NUP133: variants seen among roughly 807,000 people sequenced by gnomAD.
NUP133 encodes the protein nuclear pore complex protein Nup133.
NUP133 carries 66 observed loss-of-function variants against 146.2 expected under a neutral mutation model. The ratio of observed to expected loss-of-function variants is 0.45; its 90% CI spans 0.37 to 0.55. NUP133 has a LOEUF of 0.55. Ranked by LOEUF, NUP133 falls within the 20% of genes least tolerant of loss-of-function variation. The pLI is 0.00. For synonymous variants in NUP133, 521 were observed against 498.8 expected, an observed-to-expected ratio of 1.04 and a Z score of -0.59; for missense variants, 1,277 against 1,374.8, an observed-to-expected ratio of 0.93 and a Z score of 1.12.
Position 229,508,112 on chromosome 1 carries a change from T to A in NUP133, c.138A>T (p.Pro46=), listed in dbSNP as rs778433431. Residue 46 remains proline (P), a synonymous_variant, in exon 1 of 26, where the codon CCA becomes CCT. Transcript: ENST00000261396. ...GLPLGSAVSS[P]VLFSPVGRRS... is the part of the protein sequence containing the mutation. ...GCCGGCCGACCGGCGAGAAGAGCAC[T>A]GGGGAGCTGACTGCAGACCCCAGGG... 3.6e-5 allele frequency: 57 copies of A among 1,563,998 alleles called. No homozygotes were observed. The highest frequency in any genetic ancestry group is 3.1e-5 in the Non-Finnish European group (36 of 1,156,176).
chr1:229,442,669 TG>T (rs1385357090), intron 25 of NUP133, among the ~76,000 whole-genome samples: 3 of 150,582 alleles, frequency 2.0e-5, no homozygotes. Context: ...AATCAGATAC[TG>T]GTTTAAAAAA....
chr1:229,479,520 G>T (rs958581580), intron 12 of NUP133, among the ~76,000 whole-genome samples: 2 of 152,110 alleles, frequency 1.3e-5, no homozygotes, highest in African/African-American at 2.4e-5. Flanking sequence ...TCCACTGGGG[G>T]TCTTAAGACA....
At chr1:229,477,256 A>C (rs1290815762) in intron 13 of NUP133, among the ~76,000 whole-genome samples, 1 of 151,968 alleles carries the variant, frequency 6.6e-6, no homozygotes, top group East Asian at 1.9e-4. Flanking sequence ...TGGCTAACAC[A>C]GTGAAACCCC....
chr1:229,492,486 GA>G (rs1480705797), intron 8 of NUP133, among the ~76,000 whole-genome samples: 3 of 152,052 alleles, frequency 2.0e-5, no homozygotes, highest in African/African-American at 7.2e-5. Flanking sequence ...CTAAAAATAA[GA>G]AACCAAGCAT....
Position 229,487,462 on chromosome 1 carries a change from G to A in NUP133, c.1342+4C>T, listed in dbSNP as rs1249345735. On this transcript the variant is annotated splice_donor_region_variant and intron_variant, in intron 10 of 25. Transcript: ENST00000261396. Reference sequence around the variant, plus strand: ...AATCATGCTTTCTAAAACTGCTACTGTACCTTGTGCATTAAAGACAATTTT... The same window carrying A: ...AATCATGCTTTCTAAAACTGCTACTATACCTTGTGCATTAAAGACAATTTT... 1 of 1,612,364 alleles carries A rather than the reference G, an allele frequency of 6.2e-7. No homozygotes were observed.
chr1:229,446,263 G>T (rs938727764), intron 24 of NUP133, among the ~76,000 whole-genome samples: 6 of 152,044 alleles, frequency 3.9e-5, no homozygotes, highest in Non-Finnish European at 7.4e-5. Flanking sequence ...AAAAAAATTA[G>T]CTGGGCGTGG....
chr1:229,465,841 A>T (rs1173371245), intron 16 of NUP133, among the ~76,000 whole-genome samples: 3 of 151,108 alleles, frequency 2.0e-5, no homozygotes, highest in Non-Finnish European at 4.4e-5. Context: ...AGTGAGCTAT[A>T]ATCAAGCCAC....
intron 6 of NUP133, among the ~76,000 whole-genome samples, chr1:229,496,639 A>G (rs1290572583): frequency 6.6e-6 from 1 of 152,182 alleles, no homozygotes; most frequent in Non-Finnish European, 1.5e-5. Context: ...ATCCTGTTAC[A>G]TTGGAATGTA....
At chr1:229,498,781 C>A (rs914760453) in intron 5 of NUP133, among the ~76,000 whole-genome samples, 4 of 150,586 alleles carry the variant, frequency 2.7e-5, no homozygotes, top group African/African-American at 9.8e-5. Context: ...AAAAAAACAA[C>A]TTTTGTAGCA....
chr1:229,449,252 A>C (rs2102747241), intron 23 of NUP133, 62 bp from the exon 24 acceptor site: 2 of 1,024,840 alleles, frequency 2.0e-6, no homozygotes, highest in East Asian at 4.9e-5. Flanking sequence ...TACATGCCTA[A>C]ATTTTCATTA....
intron 22 of NUP133, among the ~76,000 whole-genome samples, chr1:229,451,581 TTAAAAA>T (rs1351188609): frequency 6.6e-6 from 1 of 152,222 alleles, no homozygotes; most frequent in African/African-American, 2.4e-5. Flanking sequence ...ACTTGCCTTA[TTAAAAA>T]TATCAATTTG....
intron 2 of NUP133, among the ~76,000 whole-genome samples, chr1:229,504,466 CCTTT>C (rs1227444871): frequency 6.6e-6 from 1 of 152,160 alleles, no homozygotes; most frequent in Non-Finnish European, 1.5e-5. Context: ...TTTAAAGTTG[CCTTT>C]CTAAGCTTGT....
chr1:229,497,347 C>T (rs1202045325), intron 6 of NUP133, among the ~76,000 whole-genome samples: 2 of 151,968 alleles, frequency 1.3e-5, no homozygotes, highest in African/African-American at 2.4e-5. Flanking sequence ...AAAAACAGGT[C>T]AAAAGAGAAA....
intron 16 of NUP133, 131 bp downstream of exon 16, chr1:229,466,502 CT>C: frequency 3.5e-6 from 3 of 868,304 alleles, no homozygotes; most frequent in South Asian, 2.6e-5. Flanking sequence ...ATTTTTCTAA[CT>C]TTTTTGGGAT....
In NUP133 at chr1:229,500,804, T is replaced by G. The variant is rs200015837; in HGVS notation, c.465A>C (p.Leu155Phe). Residue 155 changes from leucine to phenylalanine, a missense_variant, in exon 4 of 26, where the codon TTA becomes TTC. This residue lies in a region of NUP133 where 319 missense variants were observed against 306.9 expected (regional missense o/e 1.04). Transcript: ENST00000261396. ...PPSDFHWSAD[L>F]VALSYSSPSG... ...AGGGAGAAGAGTAAGAAAGAGCCAC[T>G]AAGTCGGCACTCCAGTGGAAATCAC... The G allele has an allele frequency of 2.5e-6, 4 of 1,613,262 alleles. No individual in the cohort carries two copies. The highest frequency in any genetic ancestry group is 3.4e-6 in the Non-Finnish European group (4 of 1,179,522).
chr1:229,494,502 GAGA>G (rs1336543519), intron 8 of NUP133, among the ~76,000 whole-genome samples: 1 of 152,170 alleles, frequency 6.6e-6, no homozygotes, highest in African/African-American at 2.4e-5. Context: ...TTTAACTTCT[GAGA>G]AGTTGTCATC....
chr1:229,468,178 T>C (rs533869492), intron 15 of NUP133, among the ~76,000 whole-genome samples: 1 of 152,136 alleles, frequency 6.6e-6, no homozygotes, highest in South Asian at 2.1e-4. Flanking sequence ...GGCAGCTCTG[T>C]ATTGTTTTAC....
intron 21 of NUP133, 119 bp from the exon 22 acceptor site, chr1:229,452,762 A>C (rs1298481605): frequency 1.6e-6 from 1 of 626,348 alleles, no homozygotes; most frequent in South Asian, 2.2e-5. Context: ...CCAGAGGTAA[A>C]CCTATCTTTA....
At chr1:229,496,471 T>C (rs1213914603) in intron 6 of NUP133, among the ~76,000 whole-genome samples, 1 of 151,838 alleles carries the variant, frequency 6.6e-6, no homozygotes, top group Admixed American at 6.6e-5. Context: ...AGATTCCATC[T>C]CCAAAACAAA....
Sources: gnomAD v4.1 joint callset for allele counts (sites outside exome capture counted in the v4.1 genomes callset) on GRCh38, gnomAD v4.1.1 for gene constraint, gnomAD v4.1.1 regional missense constraint, MANE v1.5 for transcripts, NCBI Gene and HGNC (gene_info 2026-07-23, HGNC 2026-07-21) for gene names.